Variants in STOX2 observed in about 807,000 individuals in gnomAD.
STOX2 encodes storkhead box 2, also known as storkhead-box protein 2.
A neutral mutation model predicts 60.9 loss-of-function variants in STOX2; 28 were observed. The observed-to-expected ratio is 0.46, with a 90% CI of 0.34 to 0.63. The LOEUF (loss-of-function observed/expected upper bound fraction) is 0.63. Among genes scored for constraint, STOX2 ranks in the 30% least tolerant of loss-of-function variants. The pLI, the probability that STOX2 is intolerant of heterozygous loss-of-function variation, is 0.01. For missense variants in STOX2, 1,024 were observed against 1,187.7 expected (o/e 0.86, Z 2.03); for synonymous variants, 472 against 463.9 (o/e 1.02, Z -0.22).
chr4:183,821,628 C>G lies in STOX2; in HGVS notation c.364+23573C>G, dbSNP rs1739304599. On this transcript the variant is annotated intron_variant, in intron 1 of 2. Transcript: ENST00000513034. This position sits in a 1 kb window ranked among gnomAD's most constrained non-coding sequence, Gnocchi z 4.2. ...TTTGGGAGGCTGGCAGGCAGGTAGG[C>G]TGGGAAGGTGAGGGTTGGCAGTGTG... Among the ~76,000 whole-genome samples, 2 of 152,196 alleles carry G rather than the reference C, an allele frequency of 1.3e-5. No homozygotes were observed. Among genetic ancestry groups the G allele is most frequent in the Non-Finnish European group, 2.9e-5 (2 of 68,028 alleles).
intron 1 of STOX2, among the ~76,000 whole-genome samples, chr4:183,837,065 A>G (rs145346289): frequency 2.1e-4 from 32 of 152,232 alleles, no homozygotes; most frequent in African/African-American, 6.7e-4. Context: ...ATAGACTGAC[A>G]TCTATGCTGG....
intron 1 of STOX2, among the ~76,000 whole-genome samples, chr4:183,898,716 A>G (rs1314131592): frequency 6.6e-6 from 1 of 152,152 alleles, no homozygotes; most frequent in Non-Finnish European, 1.5e-5. Flanking sequence ...GACAATGAAA[A>G]TGACAGGGAG....
chr4:183,975,567 T>C (rs1046918022), intron 1 of STOX2, among the ~76,000 whole-genome samples: 1 of 151,954 alleles, frequency 6.6e-6, no homozygotes, highest in African/African-American at 2.4e-5. Context: ...TTCAACAATA[T>C]AGATGAAATG....
At chr4:183,862,263 C>A (rs1333117617) in intron 1 of STOX2, among the ~76,000 whole-genome samples, 2 of 152,174 alleles carry the variant, frequency 1.3e-5, no homozygotes, top group Non-Finnish European at 2.9e-5. Flanking sequence ...GCAACCTCTG[C>A]CTCCTGGGTA....
chr4:183,959,609 C>CTTTA (rs138444110), intron 1 of STOX2, among the ~76,000 whole-genome samples: 55 of 152,060 alleles, frequency 3.6e-4, no homozygotes, highest in African/African-American at 1.1e-3. Context: ...TCTCGCTGTG[C>CTTTA]TTTATTTATT....
At chr4:183,942,701 A>G (rs1186094102) in intron 1 of STOX2, among the ~76,000 whole-genome samples, 1 of 152,184 alleles carries the variant, frequency 6.6e-6, no homozygotes, top group Non-Finnish European at 1.5e-5. Flanking sequence ...TCAGCTTGAG[A>G]AAACAAATGG....
In STOX2 at chr4:183,806,302, A is replaced by G. The variant is rs1451496167; in HGVS notation, c.364+8247A>G. On this transcript the variant is annotated intron_variant, in intron 1 of 2. Coordinates refer to the STOX2 transcript ENST00000513034. The surrounding 1 kb of genome is among the most constrained non-coding windows in gnomAD (Gnocchi z 4.1). ...GGATGTCACCTCCCCACTCCCCAAT[A>G]ACGTACGTTTGGGAAGCACATGATG... Among the ~76,000 whole-genome samples the G allele has an allele frequency of 6.6e-6, 1 of 152,046 alleles. No individual in the cohort carries two copies. The highest frequency in any genetic ancestry group is 1.5e-5 in the Non-Finnish European group (1 of 68,012).
At chr4:183,811,613 C>T (rs1264356159) in intron 1 of STOX2, among the ~76,000 whole-genome samples, 1 of 152,190 alleles carries the variant, frequency 6.6e-6, no homozygotes, top group Non-Finnish European at 1.5e-5. Context: ...ATAGAAGCTG[C>T]TTATAGCAGC....
chr4:183,925,120 T>G (rs954697289), intron 1 of STOX2, among the ~76,000 whole-genome samples: 2 of 152,174 alleles, frequency 1.3e-5, no homozygotes, highest in African/African-American at 4.8e-5. Flanking sequence ...CGTGTTTTAA[T>G]CTTCGAATGA....
At chr4:184,014,802 G>A (rs1734300636) in intron 3 of STOX2, 1 of 152,056 alleles carries the variant, frequency 6.6e-6, no homozygotes, top group Non-Finnish European at 1.5e-5. Flanking sequence ...GTGATTGAAG[G>A]TGGGCGAAGG....
chr4:183,996,090 TTTCACATTTTAAGCTCGCTTAAAA>T (rs1483192539), intron 1 of STOX2, among the ~76,000 whole-genome samples: 1 of 152,250 alleles, frequency 6.6e-6, no homozygotes, highest in Non-Finnish European at 1.5e-5. Context: ...TTTCATGTCT[TTTCACATTTTAAGCTCGCTTAAAA>T]ATCTATGGAA....
chr4:183,896,934 A>G (rs964948775), intron 1 of STOX2, among the ~76,000 whole-genome samples: 1 of 152,200 alleles, frequency 6.6e-6, no homozygotes, highest in Non-Finnish European at 1.5e-5. Context: ...GAACCCACCA[A>G]TATTGTCATT....
At chr4:183,946,931 A>G (rs1171481532) in intron 1 of STOX2, among the ~76,000 whole-genome samples, 1 of 152,092 alleles carries the variant, frequency 6.6e-6, no homozygotes, top group Non-Finnish European at 1.5e-5. Context: ...CCTGCCTACA[A>G]CTATTTACAT....
At chr4:183,803,170 C>T (rs1027037763) in intron 1 of STOX2, among the ~76,000 whole-genome samples, 11 of 152,118 alleles carry the variant, frequency 7.2e-5, no homozygotes, top group African/African-American at 2.2e-4. Flanking sequence ...GAGAATAGCA[C>T]GGGAAAGATC....
chr4:183,900,910 C>T (rs1339212095), upstream of STOX2, among the ~76,000 whole-genome samples: 1 of 151,864 alleles, frequency 6.6e-6, no homozygotes, highest in Admixed American at 6.6e-5. Flanking sequence ...GTAAAATTTA[C>T]CATCTTAATC....
rs551159682 is a variant in STOX2, at chr4:183,905,801, G to C, written c.-990G>C. 2 of 152,212 alleles carry C rather than the reference G, an allele frequency of 1.3e-5. No homozygotes were observed. The highest frequency in any genetic ancestry group is 2.9e-5 in the Non-Finnish European group (2 of 68,040). The allele number at this position is 152,212 out of a possible 1,614,324, so 9.4% of individuals were successfully genotyped here. Reference sequence around the variant, plus strand: ...TCCTGCTTCCTGCCCTTCAATAGCCGTTCCGCGCGCTCGCGCCGGAGCAGC... The same window carrying C: ...TCCTGCTTCCTGCCCTTCAATAGCCCTTCCGCGCGCTCGCGCCGGAGCAGC... On this transcript the variant is annotated 5_prime_UTR_variant, in exon 1 of 4. Coordinates refer to ENST00000308497, the MANE Select transcript of STOX2 (RefSeq NM_020225.3).
chr4:183,812,670 C>T (rs895952246), intron 1 of STOX2, among the ~76,000 whole-genome samples: 5 of 152,016 alleles, frequency 3.3e-5, no homozygotes, highest in South Asian at 2.1e-4. Context: ...GTCTAAGGAT[C>T]GAGAGTGTGA....
chr4:183,949,309 C>G (rs535021979), intron 1 of STOX2, among the ~76,000 whole-genome samples: 1 of 152,196 alleles, frequency 6.6e-6, no homozygotes, highest in East Asian at 1.9e-4. Context: ...ATTCTTTAAA[C>G]ATGGAAATTC....
chr4:183,825,980 CTCT>C lies in STOX2; in HGVS notation c.364+27932_364+27934del, dbSNP rs199545664. Among the ~76,000 whole-genome samples the C allele has an allele frequency of 0.012, 1,833 of 152,062 alleles. 31 individuals carry two copies. Among genetic ancestry groups the C allele is most frequent in the African/African-American group, 0.041 (1,697 of 41,506 alleles). On this transcript the variant is annotated intron_variant, in intron 1 of 2. Transcript: ENST00000513034. The surrounding 1 kb of genome is among the most constrained non-coding windows in gnomAD (Gnocchi z 4.1). ...CTGAAACCTTTGGGTAATCTATCAC[CTCT>C]TCTTCTGCTCTTTCCTGTTTGTCTA...
Sources: gnomAD v4.1 joint callset for allele counts (sites outside exome capture counted in the v4.1 genomes callset) on GRCh38, gnomAD v4.1.1 for gene constraint, Gnocchi (gnomAD v3.1) non-coding constraint, MANE v1.5 for transcripts, NCBI Gene and HGNC (gene_info 2026-07-23, HGNC 2026-07-21) for gene names.